The following SPTB variants were observed in gnomAD, a reference collection of about 807,000 sequenced individuals.
SPTB encodes spectrin beta, erythrocytic.
SPTB carries 45 observed loss-of-function variants against 256.2 expected under a neutral mutation model. That is an observed-to-expected ratio of 0.18 (90% CI 0.14 to 0.23). SPTB has a LOEUF of 0.23. Among genes scored for constraint, SPTB ranks in the 10% least tolerant of loss-of-function variants. The pLI, the probability that SPTB is intolerant of heterozygous loss-of-function variation, is 1.00. For synonymous variants in SPTB, 1,231 were observed against 1,243.1 expected (o/e 0.99, Z 0.21); for missense variants, 2,715 against 3,040.4 (o/e 0.89, Z 2.52).
Position 64,750,032 on chromosome 14 carries a change from A to T in SPTB, c.6725T>A (p.Ile2242Asn). ...GEEPLALRHA[I>N]CEIAANYKKK... ...CTTGTAGTTGGCAGCAATCTCACAG[A>T]TGGCATGTCTCAGGGCCAGGGGTTC... The change falls in exon 34 of 36, where the codon ATC becomes AAC. Residue 2242 changes from isoleucine to asparagine, a missense_variant. Transcript: ENST00000644917. The T allele has an allele frequency of 6.2e-7, 1 of 1,614,208 alleles. No individual in the cohort carries two copies. Among genetic ancestry groups the T allele is most frequent in the Non-Finnish European group, 8.5e-7 (1 of 1,180,040 alleles).
chr14:64,850,809 T>A (rs1036857723), intron 1 of SPTB, among the ~76,000 whole-genome samples: 3 of 152,238 alleles, frequency 2.0e-5, no homozygotes, highest in Non-Finnish European at 4.4e-5. Flanking sequence ...TTCCTTTTCA[T>A]TCTGTCAAAC....
At chr14:64,799,653 G>T in intron 9 of SPTB, 94 bp downstream of exon 9, 1 of 1,437,580 alleles carries the variant, frequency 7.0e-7, no homozygotes, top group Non-Finnish European at 9.6e-7. Context: ...GTGCCTTGTG[G>T]ACACACTTCA....
At position 64,793,274 on chromosome 14, in the gene SPTB, C is replaced by G. The variant is rs778881764; in HGVS notation, c.2389G>C (p.Gly797Arg). 2 of 1,606,946 alleles carry G rather than the reference C, an allele frequency of 1.2e-6. No homozygotes were observed. Among genetic ancestry groups the G allele is most frequent in the South Asian group, 1.1e-5 (1 of 91,090 alleles). The change falls in exon 14 of 36, where the codon GGG becomes CGG. Residue 797 changes from glycine to arginine, a missense_variant. Physicochemically the swap from Gly to Arg is moderately radical, Grantham distance 125. Around this residue, in one of 4 missense-constraint regions of SPTB, gnomAD observed 2,239 missense variants for 2,384.4 expected, o/e 0.94. Coordinates refer to ENST00000644917, the MANE Select transcript of SPTB (RefSeq NM_001355436.2). This position sits in a 1 kb window ranked among gnomAD's most constrained non-coding sequence, Gnocchi z 7.0. Reference protein sequence around the residue: ...DFLEELEESRGVMEHLEQQAQ... With the variant: ...DFLEELEESRRVMEHLEQQAQ... ...TGCTGCTCCAGGTGCTCCATCACCC[C>G]ACGGCTCTCCTCCAGCTCCTCCAGG...
Position 64,777,821 on chromosome 14 carries a change from C to T in SPTB, c.4563+1336G>A, listed in dbSNP as rs1236139674. On this transcript the variant is annotated intron_variant, in intron 22 of 35. Transcript: ENST00000644917. The surrounding 1 kb of genome is among the most constrained non-coding windows in gnomAD (Gnocchi z 4.5). ...GAGCCTAAAATAGTCTTCATTAGGGCAGTCACGCTGTCCCAAGAGGCTGCC... is the reference window on the plus strand; with the variant it reads ...GAGCCTAAAATAGTCTTCATTAGGGTAGTCACGCTGTCCCAAGAGGCTGCC... Among the ~76,000 whole-genome samples, 1 of 152,216 alleles carries T rather than the reference C, an allele frequency of 6.6e-6. No individual in the cohort carries two copies. Among genetic ancestry groups the T allele is most frequent in the Non-Finnish European group, 1.5e-5 (1 of 68,038 alleles).
At chr14:64,782,009 A>C (rs1173754809) in intron 20 of SPTB, among the ~76,000 whole-genome samples, 1 of 152,220 alleles carries the variant, frequency 6.6e-6, no homozygotes, top group Non-Finnish European at 1.5e-5. Flanking sequence ...GTGGGAGCTA[A>C]GTGAGAAGAA....
intron 1 of SPTB, among the ~76,000 whole-genome samples, chr14:64,848,567 TTGA>T (rs1321422393): frequency 7.2e-5 from 11 of 152,246 alleles, no homozygotes; most frequent in African/African-American, 2.4e-4. Flanking sequence ...ATCAATATTG[TTGA>T]TAAGTTAATT....
intron 2 of SPTB, among the ~76,000 whole-genome samples, chr14:64,817,872 A>G (rs1235619070): frequency 1.3e-5 from 2 of 152,234 alleles, no homozygotes; most frequent in African/African-American, 2.4e-5. Flanking sequence ...TGCCAGCCAC[A>G]GAACTTAACC....
At chr14:64,769,468 G>A (rs1482325237) in intron 28 of SPTB, 122 bp downstream of exon 28, 1 of 1,359,040 alleles carries the variant, frequency 7.4e-7, no homozygotes, top group Non-Finnish European at 1.0e-6. Flanking sequence ...ATCTCCATGA[G>A]TGAGAGCAAG....
At chr14:64,830,612 G>A (rs865847305) in intron 1 of SPTB, among the ~76,000 whole-genome samples, 25 of 151,930 alleles carry the variant, frequency 1.6e-4, no homozygotes, top group East Asian at 7.7e-4. Flanking sequence ...TCTTTTGTTC[G>A]TCATTTCTTT....
chr14:64,782,445 TCTC>T lies in SPTB; in HGVS notation c.4108_4110del (p.Glu1370del). ...CTGGCAGCCGAGAGGTGCTGGGTCT[TCTC>T]CTTTGTGGTGGCCTGCAGCTCGTCC... On this transcript the variant is annotated inframe_deletion, in exon 20 of 36. Transcript: ENST00000644917. 6.2e-7 allele frequency: 1 copy of T among 1,614,102 alleles called. No individual in the cohort carries two copies. Among genetic ancestry groups the T allele is most frequent in the South Asian group, 1.1e-5 (1 of 91,080 alleles).
chr14:64,807,050 C>T lies in SPTB; in HGVS notation c.149-1960G>A, dbSNP rs1027851798. Among the ~76,000 whole-genome samples, 7 of 152,142 alleles carry T rather than the reference C, an allele frequency of 4.6e-5. No individual in the cohort carries two copies. The highest frequency in any genetic ancestry group is 8.8e-5 in the Non-Finnish European group (6 of 68,032). On this transcript the variant is annotated intron_variant, in intron 2 of 35. Transcript: ENST00000644917. The surrounding 1 kb of genome is among the most constrained non-coding windows in gnomAD (Gnocchi z 4.7). ...AAAGGGAGTTTGATGCCATACTGGA[C>T]GGAAAGCAATTGCACTTATTTTGGG... is the stretch of plus-strand genomic sequence containing the variant.
In SPTB at chr14:64,746,606, G is replaced by A. The variant is rs1369785503; in HGVS notation, c.*2700C>T. 6.6e-6 allele frequency: 1 copy of A among 152,536 alleles called. No individual in the cohort carries two copies. Among genetic ancestry groups the A allele is most frequent in the Admixed American group, 6.5e-5 (1 of 15,284 alleles). The allele number at this position is 152,536 out of a possible 1,614,324, so 9.4% of individuals were successfully genotyped here. A position where few individuals can be genotyped will look rare whatever the true frequency, so the allele number is the denominator to read the frequency against. ...CCCTCCGATAGGCAGGAAGGAGGAG[G>A]GATGCGGAGGAGAGGCTGAGCCTTC... On this transcript the variant is annotated 3_prime_UTR_variant, in exon 36 of 36. Transcript: ENST00000644917. The surrounding 1 kb of genome is among the most constrained non-coding windows in gnomAD (Gnocchi z 4.9).
In SPTB at chr14:64,823,186, C is replaced by G. The variant is rs372804181; in HGVS notation, c.-51-41G>C. ...ACAGTCAGAGGGTTATCTCTCTACC[C>G]CCTCGGACTTTTTCTCCGGGGAAAC... On this transcript the variant is annotated intron_variant, in intron 1 of 35. Coordinates refer to ENST00000644917, the MANE Select transcript of SPTB (RefSeq NM_001355436.2). The surrounding 1 kb of genome is among the most constrained non-coding windows in gnomAD (Gnocchi z 6.5). 6.6e-7 allele frequency: 1 copy of G among 1,517,318 alleles called. No homozygotes were observed. The highest frequency in any genetic ancestry group is 1.4e-5 in the African/African-American group (1 of 73,154). The allele number at this position is 1,517,318 out of a possible 1,614,324, so 94.0% of individuals were successfully genotyped here.
chr14:64,766,181 T>TGTATGTGTATGTGG (rs2082177783), intron 32 of SPTB, among the ~76,000 whole-genome samples: 2 of 149,092 alleles, frequency 1.3e-5, no homozygotes, highest in Non-Finnish European at 3.0e-5. Flanking sequence ...TATGTGTGTG[T>TGTATGTGTATGTGG]GTATGTGTAT....
chr14:64,828,335 T>C (rs229613), intron 1 of SPTB, among the ~76,000 whole-genome samples: 17,891 of 152,108 alleles, frequency 0.12, 2,480 homozygotes, highest in African/African-American at 0.33. Context: ...ATAGCTCCAA[T>C]AGTTCTTACA....
intron 2 of SPTB, 146 bp from the exon 3 acceptor site, chr14:64,805,236 C>T: frequency 1.1e-6 from 1 of 876,504 alleles, no homozygotes; most frequent in Admixed American, 2.1e-5. Context: ...TTCCTTGGAG[C>T]ATTTGCCATC....
chr14:64,762,842 T>C (rs1414688943), intron 32 of SPTB, among the ~76,000 whole-genome samples: 2 of 152,216 alleles, frequency 1.3e-5, no homozygotes, highest in Non-Finnish European at 2.9e-5. Flanking sequence ...CACTACAGCC[T>C]GGATCTAGCC....
Position 64,807,503 on chromosome 14 carries a change from C to T in SPTB, c.149-2413G>A, listed in dbSNP as rs2083006569. 1.3e-5 allele frequency among the ~76,000 whole-genome samples: 2 copies of T among 152,218 alleles called. No individual in the cohort carries two copies. Among genetic ancestry groups the T allele is most frequent in the Non-Finnish European group, 2.9e-5 (2 of 68,034 alleles). The stretch of plus-strand genomic sequence containing the variant: ...GGTTTTGAGCACAGGCAGGTGGCCT[C>T]CTAGCTGCCTTTTATTTGAAGGCTG... On this transcript the variant is annotated intron_variant, in intron 2 of 35. Coordinates refer to ENST00000644917, the MANE Select transcript of SPTB (RefSeq NM_001355436.2). This position sits in a 1 kb window ranked among gnomAD's most constrained non-coding sequence, Gnocchi z 4.7.
At chr14:64,831,788 GTGGAGGGCACA>G (rs1419696443) in intron 1 of SPTB, among the ~76,000 whole-genome samples, 1 of 152,220 alleles carries the variant, frequency 6.6e-6, no homozygotes, top group African/African-American at 2.4e-5. Context: ...GAATGAACAC[GTGGAGGGCACA>G]TGGCAATGCT....
Sources: allele counts gnomAD v4.1 joint callset (sites outside exome capture counted in the v4.1 genomes callset), GRCh38; gene constraint gnomAD v4.1.1; regional missense constraint gnomAD v4.1.1; non-coding constraint Gnocchi (gnomAD v3.1); transcripts MANE v1.5; gene names NCBI Gene and HGNC (gene_info 2026-07-23, HGNC 2026-07-21).